The following MCTP1 variants were observed in gnomAD, a reference collection of about 807,000 sequenced individuals.
MCTP1 encodes the protein multiple C2 and transmembrane domain containing 1.
A neutral mutation model predicts 120.6 loss-of-function variants in MCTP1; 69 were observed. That is an observed-to-expected ratio of 0.57 (90% CI 0.47 to 0.70). MCTP1 has a LOEUF of 0.70. MCTP1 is among the 30% of genes least tolerant of loss of function. The pLI is 0.00. For synonymous variants in MCTP1, 529 were observed against 493.1 expected, an observed-to-expected ratio of 1.07 and a Z score of -0.96; for missense variants, 1,203 against 1,248.8, an observed-to-expected ratio of 0.96 and a Z score of 0.55.
intron 1 of MCTP1, among the ~76,000 whole-genome samples, chr5:95,107,715 T>G (rs748175226): frequency 2.6e-5 from 4 of 152,250 alleles, no homozygotes; most frequent in Non-Finnish European, 5.9e-5. Flanking sequence ...ATTCCTTTCT[T>G]TTTGTCCAAG....
intron 19 of MCTP1, among the ~76,000 whole-genome samples, chr5:94,778,533 C>T (rs1301099920): frequency 6.6e-6 from 1 of 152,028 alleles, no homozygotes; most frequent in African/African-American, 2.4e-5. Context: ...TCACCCTCCC[C>T]AAATCAACCA....
rs115218725 is a variant in MCTP1 at position 95,050,039 on chromosome 5, G to A, written c.721-32555C>T. Among the ~76,000 whole-genome samples the A allele has an allele frequency of 5.3e-3, 808 of 151,584 alleles. 3 individuals carry two copies. Among genetic ancestry groups the A allele is most frequent in the African/African-American group, 0.018 (755 of 41,334 alleles). The stretch of plus-strand genomic sequence containing the variant: ...GATGTGTTAGGTGACCTCTACCCCC[G>A]TTAGGCAACCACCTAGATAATGTGG... On this transcript the variant is annotated intron_variant, in intron 1 of 22. Transcript: ENST00000515393.
At chr5:94,934,016 T>A (rs2153485790) in intron 5 of MCTP1, among the ~76,000 whole-genome samples, 1 of 151,984 alleles carries the variant, frequency 6.6e-6, no homozygotes, top group East Asian at 1.9e-4. Context: ...GTATCTAAAG[T>A]TCTATTACTA....
intron 1 of MCTP1, among the ~76,000 whole-genome samples, chr5:95,157,129 A>G (rs903678798): frequency 6.6e-6 from 1 of 152,200 alleles, no homozygotes; most frequent in African/African-American, 2.4e-5. Context: ...GGTAAAATCA[A>G]ATATATATGT....
At chr5:94,864,262 GC>G (rs1796375295) in intron 17 of MCTP1, among the ~76,000 whole-genome samples, 1 of 151,822 alleles carries the variant, frequency 6.6e-6, no homozygotes, top group Non-Finnish European at 1.5e-5. Flanking sequence ...ATTCAAACAT[GC>G]CGTTTTTGGA....
At chr5:95,016,684 C>T (rs999775454) in intron 2 of MCTP1, among the ~76,000 whole-genome samples, 2 of 152,004 alleles carry the variant, frequency 1.3e-5, no homozygotes, top group Admixed American at 6.6e-5. Flanking sequence ...CTGCAGCGCT[C>T]ATATTCAAAA....
chr5:94,909,727 C>A (rs1807945795), intron 9 of MCTP1, among the ~76,000 whole-genome samples: 1 of 151,954 alleles, frequency 6.6e-6, no homozygotes, highest in African/African-American at 2.4e-5. Context: ...ATAGTTAATG[C>A]ATTAAGATAT....
intron 2 of MCTP1, among the ~76,000 whole-genome samples, chr5:94,987,801 C>T (rs112639664): frequency 1.1e-3 from 162 of 152,214 alleles, no homozygotes; most frequent in Non-Finnish European, 2.1e-3. Flanking sequence ...AAGTAAAATG[C>T]ATGATTTGAT....
intron 1 of MCTP1, among the ~76,000 whole-genome samples, chr5:95,138,243 G>A (rs778448970): frequency 1.0e-4 from 12 of 117,770 alleles, no homozygotes; most frequent in Non-Finnish European, 1.8e-4. Context: ...ACCCCCCCCC[G>A]ACATTAAAAT....
chr5:94,952,737 C>A (rs187900026), intron 3 of MCTP1, among the ~76,000 whole-genome samples: 4 of 152,010 alleles, frequency 2.6e-5, no homozygotes. Context: ...GACTCCCCAC[C>A]CCCAGCCCCC....
In MCTP1 at chr5:95,284,152, C is replaced by T. The variant is rs1167043694; in HGVS notation, c.424G>A (p.Ala142Thr). 2.6e-6 allele frequency: 4 copies of T among 1,560,586 alleles called. No homozygotes were observed. Among genetic ancestry groups the T allele is most frequent in the Middle Eastern group, 1.8e-4 (1 of 5,458 alleles). ...AVKGPAAASG[A>T]AGGTPPGGRS... The stretch of plus-strand genomic sequence containing the variant: ...CCGCCAGGAGGCGTCCCTCCCGCTG[C>T]TCCCGAGGCCGCCGCGGGCCCCTTT... Residue 142 changes from alanine (A) to threonine (T), a missense_variant, in exon 1 of 23, where the codon GCA (alanine) becomes ACA (threonine). Around this residue, in one of 2 missense-constraint regions of MCTP1, gnomAD observed 463 missense variants for 377.8 expected, o/e 1.23. Transcript: ENST00000515393. This position sits in a 1 kb window ranked among gnomAD's most constrained non-coding sequence, Gnocchi z 5.2.
At chr5:95,110,614 T>C (rs1757385752) in intron 1 of MCTP1, among the ~76,000 whole-genome samples, 1 of 152,194 alleles carries the variant, frequency 6.6e-6, no homozygotes, top group Non-Finnish European at 1.5e-5. Context: ...AACACATTGA[T>C]TTTTGCTAGA....
intron 10 of MCTP1, among the ~76,000 whole-genome samples, chr5:94,904,599 G>A (rs986568692): frequency 6.6e-5 from 10 of 152,148 alleles, no homozygotes; most frequent in Admixed American, 6.5e-4. Flanking sequence ...GAAGTATAAA[G>A]ATTATTCAGA....
intron 1 of MCTP1, among the ~76,000 whole-genome samples, chr5:95,095,149 G>T (rs995143735): frequency 5.4e-5 from 8 of 149,102 alleles, no homozygotes; most frequent in Non-Finnish European, 1.2e-4. Context: ...TCAGCCTCCC[G>T]AGTAGCTGGG....
intron 10 of MCTP1, among the ~76,000 whole-genome samples, chr5:94,908,309 C>G (rs1807469475): frequency 6.6e-6 from 1 of 151,912 alleles, no homozygotes; most frequent in South Asian, 2.1e-4. Flanking sequence ...CTACCTGAAG[C>G]TCATCTTTGA....
chr5:94,706,984 G>C lies in MCTP1; in HGVS notation c.*512C>G, dbSNP rs1754789028. 6.6e-6 allele frequency: 1 copy of C among 151,924 alleles called. No individual in the cohort carries two copies. Among genetic ancestry groups the C allele is most frequent in the African/African-American group, 2.4e-5 (1 of 41,380 alleles). 9.4% of individuals were successfully genotyped at this position (151,924 alleles called of 1,614,324 possible). The stretch of plus-strand genomic sequence containing the variant: ...GAGTGAATGTCGGGATCTAAAGCCA[G>C]AATATATGTTAAATTGAAATGTATC... On this transcript the variant is annotated 3_prime_UTR_variant, in exon 23 of 23. Transcript: ENST00000515393.
intron 6 of MCTP1, chr5:94,930,774 T>C (rs373923024): frequency 6.6e-6 from 1 of 152,176 alleles, no homozygotes; most frequent in Non-Finnish European, 1.5e-5. Flanking sequence ...ACTTTTAATA[T>C]AACAATAACT....
chr5:94,960,344 C>T (rs6892311), intron 2 of MCTP1, among the ~76,000 whole-genome samples: 51,214 of 151,962 alleles, frequency 0.34, 8,921 homozygotes, highest in Middle Eastern at 0.42. Flanking sequence ...CAATACCATT[C>T]AAGACATAGG....
At position 94,886,208 on chromosome 5, in the gene MCTP1, AAG is replaced by A. The variant is rs1801297636; in HGVS notation, c.1933+2669_1933+2670del. Among the ~76,000 whole-genome samples, 2 of 152,220 alleles carry A rather than the reference AAG, an allele frequency of 1.3e-5. 1 individual carries two copies. The highest frequency in any genetic ancestry group is 4.1e-4 in the South Asian group (2 of 4,830). On this transcript the variant is annotated intron_variant, in intron 12 of 22. Transcript: ENST00000515393. ...TTTGTGCTTTATACTCACTCATTCA[AAG>A]AGAGTCTCAATTGCTCTTTATTCAC...
Sources: gnomAD v4.1 joint callset for allele counts (sites outside exome capture counted in the v4.1 genomes callset) on GRCh38, gnomAD v4.1.1 for gene constraint, gnomAD v4.1.1 regional missense constraint, Gnocchi (gnomAD v3.1) non-coding constraint, MANE v1.5 for transcripts, NCBI Gene and HGNC (gene_info 2026-07-23, HGNC 2026-07-21) for gene names.